ZNRF3: variants seen among roughly 807,000 people sequenced by gnomAD.
ZNRF3 encodes zinc and ring finger 3.
In ZNRF3, 23 loss-of-function variants were observed where a neutral mutation model predicts 72.5. The ratio of observed to expected loss-of-function variants is 0.32; its 90% CI spans 0.23 to 0.45. ZNRF3 has a LOEUF of 0.45. ZNRF3 is among the 20% of genes least tolerant of loss of function. The pLI is 1.00. For missense variants in ZNRF3, 1,169 were observed against 1,272.1 expected, an observed-to-expected ratio of 0.92 and a Z score of 1.23; for synonymous variants, 610 against 545.3, an observed-to-expected ratio of 1.12 and a Z score of -1.65.
chr22:29,003,386 G>A (rs2036186515), intron 2 of ZNRF3, among the ~76,000 whole-genome samples: 1 of 152,052 alleles, frequency 6.6e-6, no homozygotes, highest in South Asian at 2.1e-4. Context: ...CAGGCGTGGT[G>A]GCGGGCGCCT....
intron 2 of ZNRF3, among the ~76,000 whole-genome samples, chr22:29,038,965 T>TAGAG (rs935608948): frequency 6.0e-5 from 9 of 150,396 alleles, no homozygotes; most frequent in African/African-American, 2.0e-4. Flanking sequence ...TATATATATA[T>TAGAG]AGAGAGAGAG....
rs577357129 is a variant in ZNRF3, at chr22:28,993,808, A to G, written c.426+6607A>G. The stretch of plus-strand genomic sequence containing the variant: ...AGTAATCCTCCCACTTCAGCCTCCC[A>G]AGTAGCTGGGACTACAGGTGTGTGC... On this transcript the variant is annotated intron_variant, in intron 2 of 8. Transcript: ENST00000544604. Among the ~76,000 whole-genome samples the G allele has an allele frequency of 8.0e-4, 122 of 152,260 alleles. 2 individuals carry two copies. In the South Asian group the frequency reaches 0.021, roughly 27 times the overall value.
chr22:28,884,166 G>A, intron 1 of ZNRF3, 100 bp downstream of exon 1: 1 of 938,740 alleles, frequency 1.1e-6, no homozygotes, highest in Non-Finnish European at 1.3e-6. Context: ...CTGGCGGGCG[G>A]GCGGGAGGGG....
intron 2 of ZNRF3, among the ~76,000 whole-genome samples, chr22:28,993,269 C>T (rs2035988356): frequency 6.6e-6 from 1 of 152,144 alleles, no homozygotes; most frequent in South Asian, 2.1e-4. Context: ...GGGGCTCAAG[C>T]CCGGAAATTA....
chr22:28,985,080 A>T (rs955384785), intron 1 of ZNRF3, among the ~76,000 whole-genome samples: 3 of 152,056 alleles, frequency 2.0e-5, no homozygotes, highest in Non-Finnish European at 4.4e-5. Context: ...TGTTTCATTG[A>T]ATTGTCAAGG....
intron 1 of ZNRF3, among the ~76,000 whole-genome samples, chr22:28,973,953 C>CTTTTT (rs553300044): frequency 1.9e-4 from 21 of 111,492 alleles, no homozygotes; most frequent in South Asian, 3.2e-4. Context: ...CTCTCTCTCT[C>CTTTTT]TTTTTTTTTT....
intron 1 of ZNRF3, among the ~76,000 whole-genome samples, chr22:28,958,975 G>A (rs777332896): frequency 1.3e-5 from 2 of 152,196 alleles, no homozygotes; most frequent in Non-Finnish European, 1.5e-5. Flanking sequence ...GGGAGCACCC[G>A]TTCTGGTATG....
In ZNRF3 at chr22:29,006,213, C is replaced by CTTTTTTT. The variant is rs372438825; in HGVS notation, c.426+19025_426+19031dup. 2.4e-3 allele frequency among the ~76,000 whole-genome samples: 257 copies of CTTTTTTT among 106,470 alleles called. 8 individuals are homozygous for CTTTTTTT. The East Asian group carries it at 0.035, about 14-fold the overall frequency. The allele number at this position is 106,470 out of a possible 152,430, so 69.8% of individuals were successfully genotyped here. A position where few individuals can be genotyped will look rare whatever the true frequency, so the allele number is the denominator to read the frequency against. On this transcript the variant is annotated intron_variant, in intron 2 of 8. Transcript: ENST00000544604. ...TGATCAAGGTTCTTATCATCCGTTT[C>CTTTTTTT]TTTTTTTTTTTTTTTTTTTGAGACA...
chr22:29,002,890 T>C (rs963400284), intron 2 of ZNRF3, among the ~76,000 whole-genome samples: 1 of 152,202 alleles, frequency 6.6e-6, no homozygotes, highest in Non-Finnish European at 1.5e-5. Flanking sequence ...GGGGAGATCC[T>C]TGTGCAGTGG....
chr22:28,942,499 GGAGTTGGGAGACT>G (rs1020198635), intron 1 of ZNRF3, among the ~76,000 whole-genome samples: 22 of 152,156 alleles, frequency 1.4e-4, no homozygotes, highest in African/African-American at 5.1e-4. Flanking sequence ...CTTTGGCCTG[GGAGTTGGGAGACT>G]ACCTGGGCTC....
chr22:28,916,993 T>C (rs1342711765), intron 1 of ZNRF3, among the ~76,000 whole-genome samples: 1 of 152,088 alleles, frequency 6.6e-6, no homozygotes. Flanking sequence ...CCCCCTCTAT[T>C]CTGGAGGCCC....
chr22:28,998,643 G>C (rs117530496), intron 2 of ZNRF3, among the ~76,000 whole-genome samples: 1,946 of 152,294 alleles, frequency 0.013, 43 homozygotes, highest in South Asian at 0.057. Context: ...ATTTTAATTT[G>C]ATGCTTTTCA....
chr22:29,052,410 G>T (rs1445727122), intron 8 of ZNRF3, among the ~76,000 whole-genome samples: 5 of 152,172 alleles, frequency 3.3e-5, no homozygotes, highest in Non-Finnish European at 4.4e-5. Context: ...TCTTAAAAAT[G>T]TTGGCCGGGT....
intron 1 of ZNRF3, among the ~76,000 whole-genome samples, chr22:28,915,366 A>G (rs1160024021): frequency 1.3e-5 from 2 of 152,202 alleles, no homozygotes; most frequent in Non-Finnish European, 2.9e-5. Context: ...GCCCACCTAT[A>G]TGACCTGCTT....
At chr22:29,042,727 G>T (rs904580239) in intron 3 of ZNRF3, among the ~76,000 whole-genome samples, 158 bp downstream of exon 3, 1 of 152,038 alleles carries the variant, frequency 6.6e-6, no homozygotes, top group Non-Finnish European at 1.5e-5. Flanking sequence ...CCCAAAGGAG[G>T]TATACTGGGC....
chr22:28,965,297 A>G (rs1232076799), intron 1 of ZNRF3, among the ~76,000 whole-genome samples: 1 of 152,188 alleles, frequency 6.6e-6, no homozygotes, highest in South Asian at 2.1e-4. Flanking sequence ...ACAGAAAATA[A>G]CAGCCACTAA....
At chr22:28,886,499 G>T (rs538974484) in intron 1 of ZNRF3, among the ~76,000 whole-genome samples, 1 of 152,268 alleles carries the variant, frequency 6.6e-6, no homozygotes, top group Admixed American at 6.5e-5. Flanking sequence ...CTTTAGAGAT[G>T]ATGCTATGCT....
rs944050711 is a variant in ZNRF3 at position 29,054,690 on chromosome 22, C to A, written c.*1068C>A. 5 of 152,752 alleles carry A rather than the reference C, an allele frequency of 3.3e-5. No individual in the cohort carries two copies. Among genetic ancestry groups the A allele is most frequent in the Non-Finnish European group, 5.9e-5 (4 of 68,090 alleles). The allele number at this position is 152,752 out of a possible 1,614,324, so 9.5% of individuals were successfully genotyped here. ...GATGGGGCTGGGGGAGAGTGCTCTC[C>A]ACTGACCCAGCAGCACACCCATGTG... On this transcript the variant is annotated 3_prime_UTR_variant, in exon 9 of 9. Transcript: ENST00000544604.
At chr22:29,038,354 T>TA (rs895375034) in intron 2 of ZNRF3, among the ~76,000 whole-genome samples, 6 of 151,482 alleles carry the variant, frequency 4.0e-5, no homozygotes, top group Non-Finnish European at 5.9e-5. Flanking sequence ...TTTTTTTTTT[T>TA]AAGACAGGGT....
Sources: allele counts gnomAD v4.1 joint callset (sites outside exome capture counted in the v4.1 genomes callset), GRCh38; gene constraint gnomAD v4.1.1; transcripts MANE v1.5; gene names NCBI Gene and HGNC (gene_info 2026-07-23, HGNC 2026-07-21).